SART1: variants seen among roughly 807,000 people sequenced by gnomAD.
SART1 encodes spliceosome associated factor 1, recruiter of U4/U6.U5 tri-snRNP.
A neutral mutation model predicts 105.0 loss-of-function variants in SART1; 28 were observed. The observed-to-expected ratio is 0.27, with a 90% CI of 0.20 to 0.37. The LOEUF is 0.37. Among genes scored for constraint, SART1 ranks in the 10% least tolerant of loss-of-function variants. The probability of loss-of-function intolerance (pLI) is 1.00; values close to 1 mark genes in which losing one functional copy is unlikely to be tolerated. For missense variants in SART1, 894 were observed against 1,106.5 expected (o/e 0.81, Z 2.72); for synonymous variants, 472 against 462.9 (o/e 1.02, Z -0.25).
intron 12 of SART1, among the ~76,000 whole-genome samples, chr11:65,975,021 C>T (rs929405080): frequency 1.3e-5 from 2 of 150,754 alleles, no homozygotes; most frequent in Admixed American, 1.3e-4. Context: ...GCCTGGGCGA[C>T]AAAGTGAGAC....
intron 1 of SART1, 37 bp downstream of exon 1, chr11:65,962,130 C>CCTGGGGGGGGGGGGGGGGGGGG: frequency 9.0e-6 from 1 of 111,094 alleles, no homozygotes; most frequent in African/African-American, 7.1e-5. Flanking sequence ...GCGGGTCGGG[C>CCTGGGGGGGGGGGGGGGGGGGG]GGGGGTCCCG....
rs1443151474 is a variant in SART1, at chr11:65,966,357, C to T, written c.989C>T (p.Pro330Leu). The T allele has an allele frequency of 1.2e-6, 2 of 1,613,930 alleles. No individual in the cohort carries two copies. The highest frequency in any genetic ancestry group is 8.5e-7 in the Non-Finnish European group (1 of 1,180,046). The change falls in exon 9 of 20, where the codon CCT (proline) becomes CTT (leucine). Residue 330 changes from proline (P) to leucine (L), a missense_variant. Coordinates refer to ENST00000312397, the MANE Select transcript of SART1 (RefSeq NM_005146.5). ...GTACCTCTTGCCTTGCAGCAAAAAC[C>T]TCGCTCTATCCTGTCCAAGTATGAC... ...ESVDDLAQQK[P>L]RSILSKYDEE...
At chr11:65,972,282 C>T (rs1042073590) in intron 12 of SART1, among the ~76,000 whole-genome samples, 5 of 152,014 alleles carry the variant, frequency 3.3e-5, no homozygotes, top group African/African-American at 4.8e-5. Flanking sequence ...GACCAGACAG[C>T]GGGGCCCCGA....
rs1388262135 is a variant in SART1 at position 65,978,024 on chromosome 11, C to G, written c.2172+125C>G. ...GCTCCACCAGCCTCTGGCTGGGGGC[C>G]TGGTGAATGCCACGGATGGGGAGGG... On this transcript the variant is annotated intron_variant, in intron 17 of 19. Coordinates refer to ENST00000312397, the MANE Select transcript of SART1 (RefSeq NM_005146.5). The surrounding 1 kb of genome is among the most constrained non-coding windows in gnomAD (Gnocchi z 6.8). The G allele has an allele frequency of 9.5e-7, 1 of 1,050,300 alleles. No individual in the cohort carries two copies. The highest frequency in any genetic ancestry group is 1.4e-6 in the Non-Finnish European group (1 of 731,726). 65.1% of individuals were successfully genotyped at this position (1,050,300 alleles called of 1,614,324 possible).
At chr11:65,974,198 TAAAAA>T (rs1168176073) in intron 12 of SART1, among the ~76,000 whole-genome samples, 1 of 69,344 alleles carries the variant, frequency 1.4e-5, no homozygotes, top group Non-Finnish European at 2.6e-5. Flanking sequence ...CCCTCTCTAC[TAAAAA>T]AAAAAAAAAA....
chr11:65,970,663 G>A (rs78889112), intron 12 of SART1, among the ~76,000 whole-genome samples: 8,774 of 151,556 alleles, frequency 0.058, 847 homozygotes, highest in African/African-American at 0.2. Flanking sequence ...GTGGTGCAAA[G>A]AGATGGGAGA....
At position 65,979,299 on chromosome 11, in the gene SART1, A is replaced by G. The variant is rs1429682538; in HGVS notation, c.*269A>G. ...CTGCAGGGCCGGCTCTCTGATAGAA[A>G]GTGGAAGGCGGTTTTAGAAACTCAT... is the stretch of plus-strand genomic sequence containing the variant. On this transcript the variant is annotated 3_prime_UTR_variant, in exon 20 of 20. Transcript: ENST00000312397. 1.7e-6 allele frequency: 1 copy of G among 582,926 alleles called. No homozygotes were observed. Among genetic ancestry groups the G allele is most frequent in the Non-Finnish European group, 3.1e-6 (1 of 327,854 alleles). The allele number at this position is 582,926 out of a possible 1,614,324, so 36.1% of individuals were successfully genotyped here. A position where few individuals can be genotyped will look rare whatever the true frequency, so the allele number is the denominator to read the frequency against.
intron 12 of SART1, among the ~76,000 whole-genome samples, chr11:65,973,700 G>A (rs941008869): frequency 1.3e-5 from 2 of 152,132 alleles, no homozygotes; most frequent in South Asian, 2.1e-4. Flanking sequence ...CGCAGTACTT[G>A]GGACAAAAAA....
Position 65,979,224 on chromosome 11 carries a change from C to T in SART1, c.*194C>T. The T allele has an allele frequency of 2.8e-6, 2 of 702,764 alleles. No homozygotes were observed. The highest frequency in any genetic ancestry group is 3.7e-5 in the South Asian group (2 of 54,614). 43.5% of individuals were successfully genotyped at this position (702,764 alleles called of 1,614,324 possible). A position where few individuals can be genotyped will look rare whatever the true frequency, so the allele number is the denominator to read the frequency against. On this transcript the variant is annotated 3_prime_UTR_variant, in exon 20 of 20. Transcript: ENST00000312397. ...ACTAAACGATGGAAGAGAGAGCGAG[C>T]CCGGGTCCTCTAAGGCTCCTTCCTT...
chr11:65,968,447 G>C (rs868512605), intron 12 of SART1, among the ~76,000 whole-genome samples: 2 of 152,312 alleles, frequency 1.3e-5, no homozygotes, highest in South Asian at 4.1e-4. Context: ...TCTAGAGTGT[G>C]TGGGGGAGAG....
chr11:65,969,753 T>C (rs1855335914), intron 12 of SART1, among the ~76,000 whole-genome samples: 1 of 151,984 alleles, frequency 6.6e-6, no homozygotes, highest in Middle Eastern at 3.2e-3. Flanking sequence ...AGACGGAGTC[T>C]CGCTCTGTCA....
chr11:65,970,576 G>T (rs893522228), intron 12 of SART1, among the ~76,000 whole-genome samples: 3 of 151,780 alleles, frequency 2.0e-5, no homozygotes, highest in African/African-American at 4.8e-5. Context: ...AGCTGTGGGT[G>T]ACCTTGTTTA....
chr11:65,977,045 A>G lies in SART1; in HGVS notation c.1889A>G (p.Glu630Gly), dbSNP rs760409069. 16 of 1,613,984 alleles carry G rather than the reference A, an allele frequency of 9.9e-6. No individual in the cohort carries two copies. The highest frequency in any genetic ancestry group is 1.3e-5 in the African/African-American group (1 of 74,936). Reference sequence around the variant, plus strand: ...GCTTCCTCCACCACCATCCTGGACGAGGAACCGATCGTGAATAGGGGGCTG... The same window carrying G: ...GCTTCCTCCACCACCATCCTGGACGGGGAACCGATCGTGAATAGGGGGCTG... ...FSASSTTILD[E>G]EPIVNRGLAA... The change falls in exon 15 of 20, where the codon GAG (glutamate) becomes GGG (glycine). Residue 630 changes from glutamate (E) to glycine (G), a missense_variant. Coordinates refer to ENST00000312397, the MANE Select transcript of SART1 (RefSeq NM_005146.5).
In SART1 at chr11:65,967,704, G is replaced by T; in HGVS notation, c.1455G>T (p.Gly485=). The T allele has an allele frequency of 1.9e-6, 3 of 1,561,364 alleles. No individual in the cohort carries two copies. Among genetic ancestry groups the T allele is most frequent in the African/African-American group, 2.7e-5 (2 of 74,226 alleles). Residue 485 remains glycine (G), a synonymous_variant, in exon 12 of 20, where the codon GGG becomes GGT. Transcript: ENST00000312397. ...AGGAAGGTGGAGCTCCACCGCCGGG[G>T]TCCCCGCAGGTGCTGGAGGAGGACG... ...DEEEGGAPPP[G]SPQVLEEDEA...
Position 65,977,074 on chromosome 11 carries a change from G to C in SART1, c.1918G>C (p.Ala640Pro). ...EEPIVNRGLA[A>P]ALLLCQNKGL... ...ACCGATCGTGAATAGGGGGCTGGCA[G>C]CTGCCCTGCTCCTGTGTCAGAACAA... The change falls in exon 15 of 20, where the codon GCT (alanine) becomes CCT (proline). Residue 640 changes from alanine to proline, a missense_variant. Coordinates refer to ENST00000312397, the MANE Select transcript of SART1 (RefSeq NM_005146.5). 1 of 1,613,836 alleles carries C rather than the reference G, an allele frequency of 6.2e-7. No homozygotes were observed. Among genetic ancestry groups the C allele is most frequent in the Non-Finnish European group, 8.5e-7 (1 of 1,179,838 alleles).
rs1855494389 is a variant in SART1, at chr11:65,976,992, AC to A, written c.1858-17del. 6.2e-7 allele frequency: 1 copy of A among 1,600,056 alleles called. No individual in the cohort carries two copies. Among genetic ancestry groups the A allele is most frequent in the African/African-American group, 1.3e-5 (1 of 74,364 alleles). On this transcript the variant is annotated intron_variant, in intron 14 of 19. Transcript: ENST00000312397. This position sits in a 1 kb window ranked among gnomAD's most constrained non-coding sequence, Gnocchi z 5.1. Reference sequence around the variant, plus strand: ...GAAGAGCCGGTATGGCCTGCTAACCACCCCCGCCACGTGTCCCGTAGTTCTC... The same window carrying A: ...GAAGAGCCGGTATGGCCTGCTAACCACCCCGCCACGTGTCCCGTAGTTCTC...
chr11:65,972,233 A>G (rs957763143), intron 12 of SART1, among the ~76,000 whole-genome samples: 15 of 152,290 alleles, frequency 9.8e-5, no homozygotes, highest in African/African-American at 3.6e-4. Context: ...GCATTGTGGC[A>G]GTGTGGGATT....
rs756390215 is a variant in SART1 at position 65,978,788 on chromosome 11, C to T, written c.2263-5C>T. 17 of 1,613,906 alleles carry T rather than the reference C, an allele frequency of 1.1e-5. No homozygotes were observed. The highest frequency in any genetic ancestry group is 1.4e-5 in the Non-Finnish European group (17 of 1,179,972). On this transcript the variant is annotated splice_region_variant and splice_polypyrimidine_tract_variant and intron_variant, in intron 18 of 19. Transcript: ENST00000312397. This position sits in a 1 kb window ranked among gnomAD's most constrained non-coding sequence, Gnocchi z 6.8. ...AGCCCTTTCTGAGTGGCCCCGACCC[C>T]TCAGCTCCTGAAGAAGATGAGCTCC...
chr11:65,979,390 G>A lies in SART1; in HGVS notation c.*360G>A. On this transcript the variant is annotated 3_prime_UTR_variant, in exon 20 of 20. Coordinates refer to ENST00000312397, the MANE Select transcript of SART1 (RefSeq NM_005146.5). ...TGTCCTGTAATGTCTCCCGGTCAGG[G>A]CAGCCCAGGACTGCCCAGCCTGGTG... 2.8e-6 allele frequency: 1 copy of A among 363,106 alleles called. No homozygotes were observed. Among genetic ancestry groups the A allele is most frequent in the Non-Finnish European group, 5.1e-6 (1 of 194,810 alleles). The allele number at this position is 363,106 out of a possible 1,614,324, so 22.5% of individuals were successfully genotyped here. A position where few individuals can be genotyped will look rare whatever the true frequency, so the allele number is the denominator to read the frequency against.
Sources: gnomAD v4.1 joint callset for allele counts (sites outside exome capture counted in the v4.1 genomes callset) on GRCh38, gnomAD v4.1.1 for gene constraint, Gnocchi (gnomAD v3.1) non-coding constraint, MANE v1.5 for transcripts, NCBI Gene and HGNC (gene_info 2026-07-23, HGNC 2026-07-21) for gene names.